NBPF12: variants seen among roughly 807,000 people sequenced by gnomAD.
The protein encoded by NBPF12 is NBPF member 12.
A neutral mutation model predicts 146.4 loss-of-function variants in NBPF12; 115 were observed. The observed-to-expected ratio is 0.79, with a 90% CI of 0.68 to 0.92. The LOEUF (loss-of-function observed/expected upper bound fraction) is 0.92. Among genes scored for constraint, NBPF12 ranks in the 40% least tolerant of loss-of-function variants. The pLI is 0.00. For missense variants in NBPF12, 1,205 were observed against 1,326.8 expected (o/e 0.91, Z 1.43); for synonymous variants, 385 against 508.9 (o/e 0.76, Z 3.28).
At chr1:146,985,024 G>A in intron 22 of NBPF12, 39 bp downstream of exon 25, 1 of 1,010,252 alleles carries the variant, frequency 9.9e-7, no homozygotes. Flanking sequence ...GATCCACTGA[G>A]TCTTCTGGTT....
chr1:146,971,150 C>G (rs1656585984), intron 12 of NBPF12, 33 bp from the exon 16 acceptor site: 1 of 1,610,368 alleles, frequency 6.2e-7, no homozygotes, highest in African/African-American at 1.4e-5. Context: ...TGTGTTTAAT[C>G]TTCTGTCATC....
At chr1:146,972,117 C>T in intron 13 of NBPF12, among the ~76,000 whole-genome samples, 1 of 146,756 alleles carries the variant, frequency 6.8e-6, no homozygotes, top group East Asian at 2.0e-4. Flanking sequence ...AGTCTCTGAC[C>T]AGGGGCGCTG....
At chr1:146,974,901 A>C in intron 15 of NBPF12, 60 bp downstream of exon 18, 1 of 1,018,780 alleles carries the variant, frequency 9.8e-7, no homozygotes, top group Middle Eastern at 3.2e-4. Flanking sequence ...GAAGTACAGT[A>C]GCTCAGTGGG....
At chr1:146,968,080 C>G (rs1404903322) in intron 9 of NBPF12, among the ~76,000 whole-genome samples, 2 of 149,182 alleles carry the variant, frequency 1.3e-5, no homozygotes, top group African/African-American at 5.0e-5. Context: ...CCCGACTGTA[C>G]AAGAAATCAC....
At chr1:146,963,659 A>G (rs1441394243) in intron 6 of NBPF12, among the ~76,000 whole-genome samples, 23 of 151,978 alleles carry the variant, frequency 1.5e-4, no homozygotes, top group African/African-American at 5.1e-4. Context: ...CTTTTTGGCA[A>G]TGTTCTTAGT....
At chr1:146,954,389 CAAAA>C (rs1170420550) in intron 2 of NBPF12, among the ~76,000 whole-genome samples, 1,873 of 23,722 alleles carry the variant, frequency 0.079, 4 homozygotes, top group Non-Finnish European at 0.098. Flanking sequence ...GACTCTGTCT[CAAAA>C]AAAAAAAAAA....
At chr1:146,960,529 G>A (rs1655782213) in intron 4 of NBPF12, among the ~76,000 whole-genome samples, 1 of 151,954 alleles carries the variant, frequency 6.6e-6, no homozygotes, top group Non-Finnish European at 1.5e-5. Context: ...ATGGGGGTGG[G>A]ACTAGAGTTA....
At chr1:146,952,030 A>G (rs1403500101) in intron 2 of NBPF12, 3 of 155,242 alleles carry the variant, frequency 1.9e-5, no homozygotes, top group African/African-American at 7.2e-5. Flanking sequence ...CCAGAGGAAC[A>G]TTTGGAGGTA....
chr1:146,965,407 G>A (rs1656121416), intron 8 of NBPF12, among the ~76,000 whole-genome samples: 1 of 151,164 alleles, frequency 6.6e-6, no homozygotes, highest in East Asian at 1.9e-4. Context: ...GACTTAGGTG[G>A]GAGGATGGGC....
At chr1:146,942,252 G>A (rs1386040551) in intron 1 of NBPF12, among the ~76,000 whole-genome samples, 39 of 151,478 alleles carry the variant, frequency 2.6e-4, no homozygotes, top group Non-Finnish European at 5.4e-4. Context: ...GCATCCCAAA[G>A]TGTTGGGATT....
rs1656580862 is a variant in NBPF12, at chr1:146,971,082, C to T, written c.1380-101C>T. 1.3e-5 allele frequency: 21 copies of T among 1,585,492 alleles called. 1 individual carries two copies. The highest frequency in any genetic ancestry group is 6.7e-5 in the East Asian group (3 of 44,702). ...GGAACCTCCATTTTGCTTTCTGGGA[C>T]CACTCTCTTAATGCCGCTTGTCAAA... On this transcript the variant is annotated intron_variant, in intron 12 of 33. Transcript: ENST00000617844.
chr1:146,983,015 G>A lies in NBPF12; in HGVS notation c.2538G>A (p.Leu846=), dbSNP rs1321940794. 4.3e-6 allele frequency: 7 copies of A among 1,609,196 alleles called. 1 individual carries two copies. In the African/African-American group the frequency reaches 9.6e-5, roughly 22 times the overall value. Residue 846 remains leucine (L), a synonymous_variant, in exon 20 of 34, where the codon TTG becomes TTA. Transcript: ENST00000617844. The stretch of plus-strand genomic sequence containing the variant: ...CTCTCTCAATTCCTCCTGAAAGGTT[G>A]GCCTCATACCAGTCTTACAGCAGCA...
intron 19 of NBPF12, among the ~76,000 whole-genome samples, chr1:146,982,646 G>T (rs1443669429): frequency 6.6e-6 from 1 of 150,950 alleles, no homozygotes; most frequent in Non-Finnish European, 1.5e-5. Context: ...AGTTCTCTGT[G>T]CTGCAAGTCA....
At chr1:146,965,672 G>C (rs1165662857) in intron 8 of NBPF12, among the ~76,000 whole-genome samples, 4 of 148,906 alleles carry the variant, frequency 2.7e-5, no homozygotes, top group Non-Finnish European at 5.9e-5. Context: ...GGCACCTGTA[G>C]TCCCAGCTAC....
At chr1:146,964,576 T>A (rs1311376450) in intron 7 of NBPF12, 147 bp downstream of exon 10, 1 of 1,330,996 alleles carries the variant, frequency 7.5e-7, no homozygotes, top group Non-Finnish European at 1.1e-6. Flanking sequence ...AGACACAGGG[T>A]GCGACAGCTG....
intron 12 of NBPF12, 130 bp from the exon 16 acceptor site, chr1:146,971,053 A>C: frequency 7.0e-7 from 1 of 1,433,834 alleles, no homozygotes; most frequent in Non-Finnish European, 9.7e-7. Flanking sequence ...GTTCCCTCTT[A>C]AAGGGAACCT....
At chr1:146,945,740 A>G (rs1655025882), upstream of NBPF12, among the ~76,000 whole-genome samples, 1 of 152,108 alleles carries the variant, frequency 6.6e-6, no homozygotes, top group Non-Finnish European at 1.5e-5. Context: ...CCCTATTAGT[A>G]TATTGTATTA....
chr1:146,964,111 G>A (rs1379140830), intron 6 of NBPF12, among the ~76,000 whole-genome samples: 4 of 142,394 alleles, frequency 2.8e-5, no homozygotes, highest in East Asian at 4.2e-4. Context: ...CAAGCCTTCA[G>A]TGATATGGGA....
rs1409902790 is a variant in NBPF12 at position 146,957,748 on chromosome 1, G to A, written c.-183-2111G>A. 215 of 133,276 alleles carry A rather than the reference G, an allele frequency of 1.6e-3. 38 individuals are homozygous for A. Among genetic ancestry groups the A allele is most frequent in the South Asian group, 4.6e-3 (14 of 3,038 alleles). The allele number at this position is 133,276 out of a possible 1,614,324, so 8.3% of individuals were successfully genotyped here. On this transcript the variant is annotated intron_variant, in intron 2 of 33. Transcript: ENST00000617844. ...CCTGGGCTGGCAGGTGGGGGAGGCG[G>A]AGAGCTCGATGCAGGTGCTGTCCTC...
Sources: gnomAD v4.1 joint callset for allele counts (sites outside exome capture counted in the v4.1 genomes callset) on GRCh38, gnomAD v4.1.1 for gene constraint, MANE v1.5 for transcripts, NCBI Gene and HGNC (gene_info 2026-07-23, HGNC 2026-07-21) for gene names.